ANOS1: variants seen among roughly 807,000 people sequenced by gnomAD.
The protein encoded by ANOS1 is anosmin-1.
Under a neutral mutation model 59.0 loss-of-function variants are expected in ANOS1, and 6 were observed. The observed-to-expected ratio is 0.10, with a 90% CI of 0.06 to 0.20. The LOEUF (loss-of-function observed/expected upper bound fraction) is 0.20. Ranked by LOEUF, ANOS1 falls within the 10% of genes least tolerant of loss-of-function variation. ANOS1 has a pLI of 1.00. For missense variants in ANOS1, 433 were observed against 542.3 expected, an observed-to-expected ratio of 0.80 and a Z score of 2.00; for synonymous variants, 217 against 223.4, an observed-to-expected ratio of 0.97 and a Z score of 0.25.
chrX:8,688,701 A>G (rs1446926080), intron 2 of ANOS1, among the ~76,000 whole-genome samples: 1 of 112,220 alleles, frequency 8.9e-6, no homozygotes, highest in East Asian at 2.8e-4. Context: ...ACACTGAGCT[A>G]TTAACTTGTC....
At chrX:8,621,349 G>GAAAA (rs35055019) in intron 3 of ANOS1, among the ~76,000 whole-genome samples, 1 of 98,215 alleles carries the variant, frequency 1.0e-5, no homozygotes, top group Non-Finnish European at 2.0e-5. Flanking sequence ...ATGGGAAACC[G>GAAAA]AAAAAAAAAA....
At chrX:8,689,946 T>C (rs1022598981) in intron 2 of ANOS1, among the ~76,000 whole-genome samples, 37 of 111,687 alleles carry the variant, frequency 3.3e-4, no homozygotes, top group African/African-American at 1.0e-3. Context: ...GTACATAAGA[T>C]GGCTTTTTCA....
In ANOS1 at chrX:8,587,949, G is replaced by A. The variant is rs371599938; in HGVS notation, c.571C>T (p.Arg191Ter). Residue 191 changes from arginine to a stop codon, truncating the protein, a stop_gained, in exon 5 of 14, where the codon CGA (arginine) becomes TGA (stop). Transcript: ENST00000262648. LOFTEE classifies it high-confidence loss of function. ...TGTCCAGACTGCAGTTCTGTAAATC[G>A]TAACTCTTTTCTGGGCTTCAGGGGG... ...GVPLKPRKELRFTELQSGQLE... is the reference protein window; with the variant it reads ...GVPLKPRKEL The A allele has an allele frequency of 8.3e-7, 1 of 1,209,513 alleles. No homozygotes were observed. Among genetic ancestry groups the A allele is most frequent in the Non-Finnish European group, 1.1e-6 (1 of 894,041 alleles).
At chrX:8,675,340 C>T (rs1041494384) in intron 2 of ANOS1, among the ~76,000 whole-genome samples, 5 of 111,820 alleles carry the variant, frequency 4.5e-5, no homozygotes, top group Admixed American at 3.8e-4. Flanking sequence ...CTGCCTGCCA[C>T]GCTCAGCAGA....
intron 3 of ANOS1, 126 bp downstream of exon 3, chrX:8,623,482 A>G: frequency 5.5e-6 from 3 of 546,119 alleles, no homozygotes; most frequent in Non-Finnish European, 9.6e-6. Flanking sequence ...GTATATCCAC[A>G]CACACCTGCA....
At chrX:8,686,302 G>C (rs368433258) in intron 2 of ANOS1, among the ~76,000 whole-genome samples, 18 of 111,677 alleles carry the variant, frequency 1.6e-4, no homozygotes, top group African/African-American at 5.2e-4. Context: ...TTATTTTATG[G>C]ATGTGTGCAT....
intron 3 of ANOS1, among the ~76,000 whole-genome samples, chrX:8,613,093 T>C (rs1285663463): frequency 4.4e-5 from 5 of 112,774 alleles, no homozygotes; most frequent in Non-Finnish European, 1.9e-5. Context: ...TTACAATGCA[T>C]TGGGGAATAA....
chrX:8,623,346 T>C (rs187313420), intron 3 of ANOS1, among the ~76,000 whole-genome samples: 96 of 111,728 alleles, frequency 8.6e-4, no homozygotes, highest in African/African-American at 2.9e-3. Context: ...TGACAATCTA[T>C]ACCTTTAGAA....
At chrX:8,619,002 G>A (rs1391312502) in intron 3 of ANOS1, among the ~76,000 whole-genome samples, 1 of 101,250 alleles carries the variant, frequency 9.9e-6, no homozygotes, top group African/African-American at 3.6e-5. Flanking sequence ...AAACCCGGGA[G>A]GCAGAGGTTG....
chrX:8,625,200 G>A (rs985860735), intron 2 of ANOS1, among the ~76,000 whole-genome samples: 1 of 110,748 alleles, frequency 9.0e-6, no homozygotes, highest in Non-Finnish European at 1.9e-5. Flanking sequence ...AGGCCTCATG[G>A]TTGAAAAAAA....
intron 2 of ANOS1, among the ~76,000 whole-genome samples, chrX:8,683,123 T>C (rs113459368): frequency 9.1e-6 from 1 of 110,491 alleles, no homozygotes; most frequent in Admixed American, 9.7e-5. Flanking sequence ...GAGAGAAAAA[T>C]TGGGGCTATG....
chrX:8,654,808 G>A (rs1931904792), intron 2 of ANOS1, among the ~76,000 whole-genome samples: 1 of 112,177 alleles, frequency 8.9e-6, no homozygotes, highest in Admixed American at 9.5e-5. Flanking sequence ...TCTGACATTT[G>A]CTTTTGTACA....
chrX:8,560,244 T>C lies in ANOS1; in HGVS notation c.1208-6146A>G, dbSNP rs1294571865. On this transcript the variant is annotated intron_variant, in intron 8 of 13. Transcript: ENST00000262648. ...TGAGCCCCCTAAGTAGTTAGCAGTA[T>C]AGGTACATGCCACTAAACCTCACTT... Among the ~76,000 whole-genome samples, 6 of 111,330 alleles carry C rather than the reference T, an allele frequency of 5.4e-5. No homozygotes were observed. The Admixed American group carries it at 5.7e-4, about 11-fold the overall frequency.
intron 2 of ANOS1, among the ~76,000 whole-genome samples, chrX:8,627,395 A>G (rs1378438579): frequency 8.9e-6 from 1 of 112,005 alleles, no homozygotes; most frequent in East Asian, 2.8e-4. Context: ...AACAAATACT[A>G]TTTACAAAAA....
At chrX:8,624,722 T>C (rs1931362520) in intron 2 of ANOS1, among the ~76,000 whole-genome samples, 1 of 111,045 alleles carries the variant, frequency 9.0e-6, no homozygotes, top group African/African-American at 3.3e-5. Flanking sequence ...AATAGTAAGA[T>C]TGTTGGATAA....
At chrX:8,618,161 T>G (rs915770340) in intron 3 of ANOS1, among the ~76,000 whole-genome samples, 2 of 112,254 alleles carry the variant, frequency 1.8e-5, no homozygotes, top group African/African-American at 6.5e-5. Flanking sequence ...AGGACTGTTA[T>G]GGGAATCAAA....
chrX:8,631,314 A>G (rs1364210246), intron 2 of ANOS1, among the ~76,000 whole-genome samples: 2 of 112,305 alleles, frequency 1.8e-5, no homozygotes, highest in African/African-American at 6.5e-5. Flanking sequence ...CTATAACCAC[A>G]GTATCATGCT....
intron 2 of ANOS1, among the ~76,000 whole-genome samples, chrX:8,657,966 G>A (rs1449838928): frequency 7.2e-5 from 8 of 111,313 alleles, no homozygotes; most frequent in Non-Finnish European, 1.5e-4. Flanking sequence ...AAGTGACAGG[G>A]AAGCCATGGT....
chrX:8,714,276 A>G (rs1295341208), intron 1 of ANOS1, among the ~76,000 whole-genome samples: 1 of 111,996 alleles, frequency 8.9e-6, no homozygotes, highest in East Asian at 2.8e-4. Flanking sequence ...TTCAAAATAG[A>G]TGCTTGGCAG....
Sources: allele counts gnomAD v4.1 joint callset (sites outside exome capture counted in the v4.1 genomes callset), GRCh38; gene constraint gnomAD v4.1.1; transcripts MANE v1.5; gene names NCBI Gene and HGNC (gene_info 2026-07-23, HGNC 2026-07-21).